Variants in USP31 observed in about 807,000 individuals in gnomAD.
The protein encoded by USP31 is ubiquitin specific peptidase 31.
USP31 carries 44 observed loss-of-function variants against 119.4 expected under a neutral mutation model. The observed-to-expected ratio is 0.37, with a 90% CI of 0.29 to 0.47. The LOEUF (loss-of-function observed/expected upper bound fraction) is 0.47. Among genes scored for constraint, USP31 ranks in the 20% least tolerant of loss-of-function variants. The probability of loss-of-function intolerance (pLI) is 0.99; values close to 1 mark genes in which losing one functional copy is unlikely to be tolerated. For synonymous variants in USP31, 749 were observed against 705.6 expected, an observed-to-expected ratio of 1.06 and a Z score of -0.97; for missense variants, 1,643 against 1,730.2, an observed-to-expected ratio of 0.95 and a Z score of 0.89.
chr16:23,097,670 A>G (rs1209490696), intron 6 of USP31, among the ~76,000 whole-genome samples: 3 of 152,244 alleles, frequency 2.0e-5, no homozygotes, highest in Admixed American at 6.5e-5. Flanking sequence ...CTGGTTCAAC[A>G]TATGCAAATC....
At chr16:23,100,867 T>C (rs1269582605) in intron 6 of USP31, among the ~76,000 whole-genome samples, 2 of 151,880 alleles carry the variant, frequency 1.3e-5, no homozygotes, top group East Asian at 3.9e-4. Context: ...GAGAAGTGAA[T>C]CCTCAGCACA....
In USP31 at chr16:23,063,976, CAAT is replaced by C. The variant is rs1899961248; in HGVS notation, c.*4067_*4069del. Reference sequence around the variant, plus strand: ...CCCCAAACCATGTAGTAGAGTTTAACAATAATGTACCCTTTATGAAATGAAAGT... The same window carrying C: ...CCCCAAACCATGTAGTAGAGTTTAACAATGTACCCTTTATGAAATGAAAGT... On this transcript the variant is annotated 3_prime_UTR_variant, in exon 16 of 16. Transcript: ENST00000219689. 2 of 152,480 alleles carry C rather than the reference CAAT, an allele frequency of 1.3e-5. No homozygotes were observed. Among genetic ancestry groups the C allele is most frequent in the African/African-American group, 2.4e-5 (1 of 41,422 alleles). 9.4% of individuals were successfully genotyped at this position (152,480 alleles called of 1,614,324 possible).
chr16:23,118,752 T>C (rs993133255), intron 1 of USP31, among the ~76,000 whole-genome samples: 33 of 152,206 alleles, frequency 2.2e-4, no homozygotes, highest in African/African-American at 4.8e-5. Context: ...TTAATACTTA[T>C]TGAGTGCTTA....
intron 6 of USP31, among the ~76,000 whole-genome samples, chr16:23,093,941 T>C (rs930999808): frequency 6.6e-6 from 1 of 152,192 alleles, no homozygotes; most frequent in Non-Finnish European, 1.5e-5. Context: ...ATGCAGAAGA[T>C]GGGTGATTTC....
Position 23,067,511 on chromosome 16 carries a change from A to G in USP31, c.*535T>C, listed in dbSNP as rs1900122566. On this transcript the variant is annotated 3_prime_UTR_variant, in exon 16 of 16. Coordinates refer to ENST00000219689, the MANE Select transcript of USP31 (RefSeq NM_020718.4). ...TAGTGTTAAAATATTGCCCTTTACA[A>G]AGACTGGTAGATGGGGCGAAAGTGC... The G allele has an allele frequency of 6.5e-6, 1 of 153,900 alleles. No individual in the cohort carries two copies. The allele number at this position is 153,900 out of a possible 1,614,324, so 9.5% of individuals were successfully genotyped here. A position where few individuals can be genotyped will look rare whatever the true frequency, so the allele number is the denominator to read the frequency against.
chr16:23,134,891 TACACACAC>T (rs10580256), intron 1 of USP31, among the ~76,000 whole-genome samples: 33 of 149,840 alleles, frequency 2.2e-4, no homozygotes, highest in African/African-American at 6.4e-4. Flanking sequence ...TGTTACCTTA[TACACACAC>T]ACACACACAC....
At chr16:23,139,450 G>T (rs1240310825) in intron 1 of USP31, among the ~76,000 whole-genome samples, 1 of 152,180 alleles carries the variant, frequency 6.6e-6, no homozygotes, top group Non-Finnish European at 1.5e-5. Context: ...TATTTCTGCA[G>T]CTCTACGCTG....
intron 10 of USP31, 108 bp downstream of exon 10, chr16:23,085,477 A>G (rs1901066686): frequency 9.8e-7 from 1 of 1,025,096 alleles, no homozygotes; most frequent in Non-Finnish European, 1.5e-6. Context: ...ATACTTAGCT[A>G]AAGAGAAGAG....
At chr16:23,107,613 A>G (rs1902160178) in intron 2 of USP31, among the ~76,000 whole-genome samples, 1 of 152,222 alleles carries the variant, frequency 6.6e-6, no homozygotes, top group South Asian at 2.1e-4. Context: ...GTTTCTCAAT[A>G]AGAACATTCT....
rs935470088 is a variant in USP31, at chr16:23,149,429, G to A, written c.-159C>T. 1.3e-4 allele frequency among the ~76,000 whole-genome samples: 20 copies of A among 148,206 alleles called. No individual in the cohort carries two copies. The highest frequency in any genetic ancestry group is 6.7e-4 in the Admixed American group (10 of 14,932). ...CCGAGCCAGCGAGCGAGCGGCGGCC[G>A]GCGGGGCCAGCGGGCGCGCGCGCGG... On this transcript the variant is annotated 5_prime_UTR_variant, in exon 1 of 16. Transcript: ENST00000219689.
In USP31 at chr16:23,095,199, C is replaced by T. The variant is rs142516350; in HGVS notation, c.1235-4395G>A. 3.1e-4 allele frequency among the ~76,000 whole-genome samples: 47 copies of T among 152,128 alleles called. No individual in the cohort carries two copies. The East Asian group carries it at 6.4e-3, about 21-fold the overall frequency. ...CATGGCATGAGGACTTTGTGATGCA[C>T]GCACAAGCTTCAATAGCCAATTCGA... On this transcript the variant is annotated intron_variant, in intron 6 of 15. Transcript: ENST00000219689.
intron 1 of USP31, among the ~76,000 whole-genome samples, chr16:23,110,331 C>T (rs1596718644): frequency 6.6e-6 from 1 of 152,012 alleles, no homozygotes. Context: ...GACAAGAAAC[C>T]CTTCCAGGAG....
Position 23,067,846 on chromosome 16 carries a change from T to C in USP31, c.*200A>G. On this transcript the variant is annotated 3_prime_UTR_variant, in exon 16 of 16. Coordinates refer to ENST00000219689, the MANE Select transcript of USP31 (RefSeq NM_020718.4). ...TGTTTTGCCTATGGCTGTTATTTGGTTCAATGGCAGAATAAGGCGACGCTT... is the reference window on the plus strand; with the variant it reads ...TGTTTTGCCTATGGCTGTTATTTGGCTCAATGGCAGAATAAGGCGACGCTT... 1.6e-6 allele frequency: 1 copy of C among 622,938 alleles called. No individual in the cohort carries two copies. The highest frequency in any genetic ancestry group is 2.8e-5 in the South Asian group (1 of 35,140). The allele number at this position is 622,938 out of a possible 1,614,324, so 38.6% of individuals were successfully genotyped here. A position where few individuals can be genotyped will look rare whatever the true frequency, so the allele number is the denominator to read the frequency against.
At chr16:23,109,536 C>T (rs550765823) in intron 1 of USP31, among the ~76,000 whole-genome samples, 1 of 152,114 alleles carries the variant, frequency 6.6e-6, no homozygotes, top group East Asian at 1.9e-4. Flanking sequence ...AATAATCCCC[C>T]CTCCAGGAGG....
intron 6 of USP31, among the ~76,000 whole-genome samples, chr16:23,091,592 C>G (rs1267970380): frequency 2.0e-5 from 3 of 152,336 alleles, no homozygotes; most frequent in African/African-American, 7.2e-5. Flanking sequence ...AAATGGCCTA[C>G]ACAAAAGTAT....
chr16:23,076,550 G>A (rs1244228748), intron 13 of USP31, among the ~76,000 whole-genome samples: 2 of 152,128 alleles, frequency 1.3e-5, no homozygotes, highest in Non-Finnish European at 2.9e-5. Context: ...CCTGCCCCAG[G>A]ACACAGAGCT....
At chr16:23,088,604 A>T (rs2141850081) in intron 7 of USP31, among the ~76,000 whole-genome samples, 1 of 152,176 alleles carries the variant, frequency 6.6e-6, no homozygotes, top group South Asian at 2.1e-4. Context: ...TTTGTCAGGG[A>T]ACTCCCTCTG....
chr16:23,147,117 T>C (rs1903535720), intron 1 of USP31, among the ~76,000 whole-genome samples: 1 of 152,130 alleles, frequency 6.6e-6, no homozygotes, highest in South Asian at 2.1e-4. Context: ...GTTTTTGTTT[T>C]GTTTTGTTTT....
intron 15 of USP31, among the ~76,000 whole-genome samples, chr16:23,071,609 G>T (rs190177691): frequency 6.6e-6 from 1 of 152,204 alleles, no homozygotes; most frequent in East Asian, 1.9e-4. Context: ...CAGCATGTTG[G>T]AAGGTGAGGC....
Sources: gnomAD v4.1 joint callset for allele counts (sites outside exome capture counted in the v4.1 genomes callset) on GRCh38, gnomAD v4.1.1 for gene constraint, MANE v1.5 for transcripts, NCBI Gene and HGNC (gene_info 2026-07-23, HGNC 2026-07-21) for gene names.